Variants in TRMT44 observed in about 807,000 individuals in gnomAD.
TRMT44 encodes the protein tRNA methyltransferase 44 homolog.
In TRMT44, 78 loss-of-function variants were observed where a neutral mutation model predicts 77.3. The ratio of observed to expected loss-of-function variants is 1.01; its 90% CI spans 0.84 to 1.22. TRMT44 has a LOEUF of 1.22. TRMT44 is among the 50% of genes most tolerant of loss of function. The probability of loss-of-function intolerance (pLI) is 0.00; values close to 1 mark genes in which losing one functional copy is unlikely to be tolerated. For synonymous variants in TRMT44, 391 were observed against 383.3 expected (o/e 1.02, Z -0.23); for missense variants, 1,090 against 964.4 (o/e 1.13, Z -1.73).
At chr4:8,504,556 T>C in the TRMT44 span, among the ~76,000 whole-genome samples, 2 of 152,056 alleles carry the variant, frequency 1.3e-5, no homozygotes, top group Admixed American at 1.3e-4. This position sits in a 1 kb window ranked among gnomAD's most constrained non-coding sequence, Gnocchi z 5.3. Flanking sequence ...GAGTCTGTAG[T>C]GTGCACAGGT....
intron 7 of TRMT44, 48 bp downstream of exon 7, chr4:8,464,139 C>T (rs1726364120): frequency 2.0e-6 from 3 of 1,521,090 alleles, no homozygotes; most frequent in Non-Finnish European, 2.7e-6. Flanking sequence ...AATGCTTCAT[C>T]TTCTAAACAG....
At chr4:8,516,885 C>T in the TRMT44 span, among the ~76,000 whole-genome samples, 1 of 152,248 alleles carries the variant, frequency 6.6e-6, no homozygotes, top group Admixed American at 6.5e-5. Flanking sequence ...GTGGCCTTGG[C>T]AATGATGTAC....
chr4:8,460,925 C>G (rs568840951), intron 6 of TRMT44, among the ~76,000 whole-genome samples: 1 of 152,342 alleles, frequency 6.6e-6, no homozygotes, highest in Non-Finnish European at 1.5e-5. Context: ...TCACGGCTCA[C>G]TGTGGCCTCA....
downstream of TRMT44, among the ~76,000 whole-genome samples, chr4:8,480,348 C>T (rs778197219): frequency 1.3e-5 from 2 of 152,128 alleles, no homozygotes; most frequent in Admixed American, 1.3e-4. Context: ...TATATATTGG[C>T]GTACTTCTGG....
chr4:8,461,401 G>A lies in TRMT44; in HGVS notation c.1204-2584G>A, dbSNP rs1459448062. ...ATCAAAGCTAAAGCAGTAGTGGTGT[G>A]GTTGATTTCAAAATTCCATGTGTCC... On this transcript the variant is annotated intron_variant, in intron 6 of 10. Coordinates refer to ENST00000389737, the MANE Select transcript of TRMT44 (RefSeq NM_152544.3). This position sits in a 1 kb window ranked among gnomAD's most constrained non-coding sequence, Gnocchi z 4.6. Among the ~76,000 whole-genome samples the A allele has an allele frequency of 6.6e-6, 1 of 152,132 alleles. No homozygotes were observed. The highest frequency in any genetic ancestry group is 1.5e-5 in the Non-Finnish European group (1 of 68,020).
rs771679285 is a variant in TRMT44, at chr4:8,465,513, T to C, written c.1446T>C (p.Cys482=). ...LDFIKEVGFT[C]GFHVDEDCLR... Reference sequence around the variant, plus strand: ...TCATTAAAGAAGTGGGCTTCACCTGTGGGTTTCACGTGGACGAAGACTGCC... The same window carrying C: ...TCATTAAAGAAGTGGGCTTCACCTGCGGGTTTCACGTGGACGAAGACTGCC... The change falls in exon 8 of 11, where the codon TGT becomes TGC. Residue 482 remains cysteine (C), a synonymous_variant. Coordinates refer to ENST00000389737, the MANE Select transcript of TRMT44 (RefSeq NM_152544.3). 25 of 1,614,000 alleles carry C rather than the reference T, an allele frequency of 1.5e-5. No individual in the cohort carries two copies. The highest frequency in any genetic ancestry group is 2.1e-5 in the Non-Finnish European group (25 of 1,180,020).
the TRMT44 span, among the ~76,000 whole-genome samples, chr4:8,511,191 G>A: frequency 6.6e-6 from 1 of 152,224 alleles, no homozygotes; most frequent in Non-Finnish European, 1.5e-5. Flanking sequence ...AGTGCCGTGA[G>A]CTTTAATAAC....
chr4:8,506,605 C>T, the TRMT44 span, among the ~76,000 whole-genome samples: 12 of 152,202 alleles, frequency 7.9e-5, no homozygotes, highest in Admixed American at 7.2e-4. Context: ...CTGGGGTCCT[C>T]TCGGGCTGGG....
chr4:8,489,159 C>G (rs966714641), intron 2 of TRMT44, among the ~76,000 whole-genome samples: 2 of 152,230 alleles, frequency 1.3e-5, no homozygotes, highest in Admixed American at 6.5e-5. Flanking sequence ...AGTGCCCTGG[C>G]CCCATGTGCT....
the TRMT44 span, among the ~76,000 whole-genome samples, chr4:8,501,114 T>C: frequency 6.6e-6 from 1 of 152,192 alleles, no homozygotes; most frequent in African/African-American, 2.4e-5. The surrounding 1 kb of genome is among the most constrained non-coding windows in gnomAD (Gnocchi z 4.4). Context: ...CAGGTGGTCG[T>C]GCCACTGCTC....
In TRMT44 at chr4:8,465,552, A is replaced by G; in HGVS notation, c.1485A>G (p.Ser495=). 3 of 1,612,466 alleles carry G rather than the reference A, an allele frequency of 1.9e-6. No homozygotes were observed. The highest frequency in any genetic ancestry group is 2.5e-6 in the Non-Finnish European group (3 of 1,179,246). ...HVDEDCLRIP[S]TKRVCLVGKS... Reference sequence around the variant, plus strand: ...ACGAAGACTGCCTCAGGATTCCTTCAACCAAAAGAGTATGTCTGATTCTCA... The same window carrying G: ...ACGAAGACTGCCTCAGGATTCCTTCGACCAAAAGAGTATGTCTGATTCTCA... The change falls in exon 8 of 11, where the codon TCA becomes TCG. Residue 495 remains serine, a synonymous_variant. Transcript: ENST00000389737.
In TRMT44 at chr4:8,476,245, C is replaced by T; in HGVS notation, c.*244C>T. ...CAGATGCAGCCGCTTGAAACGTGCG[C>T]AGCATCTTCATATCATAAAGATTGT... On this transcript the variant is annotated 3_prime_UTR_variant, in exon 11 of 11. Coordinates refer to ENST00000389737, the MANE Select transcript of TRMT44 (RefSeq NM_152544.3). The T allele has an allele frequency of 1.8e-6, 1 of 568,156 alleles. No homozygotes were observed. The highest frequency in any genetic ancestry group is 2.1e-5 in the South Asian group (1 of 48,378). The allele number at this position is 568,156 out of a possible 1,614,324, so 35.2% of individuals were successfully genotyped here. A position where few individuals can be genotyped will look rare whatever the true frequency, so the allele number is the denominator to read the frequency against.
the TRMT44 span, among the ~76,000 whole-genome samples, chr4:8,504,056 C>T: frequency 3.0e-4 from 45 of 152,168 alleles, no homozygotes; most frequent in Non-Finnish European, 6.0e-4. The surrounding 1 kb of genome is among the most constrained non-coding windows in gnomAD (Gnocchi z 5.3). Flanking sequence ...TCCTGCTCCC[C>T]CTCCAGCCTC....
intron 1 of TRMT44, among the ~76,000 whole-genome samples, chr4:8,443,735 CT>C (rs1724891528): frequency 6.6e-6 from 1 of 152,100 alleles, no homozygotes; most frequent in East Asian, 1.9e-4. Flanking sequence ...TCACGAAGGT[CT>C]TAAGAGTAAT....
intron 2 of TRMT44, among the ~76,000 whole-genome samples, chr4:8,447,709 G>T (rs1421769662): frequency 6.6e-6 from 1 of 152,194 alleles, no homozygotes; most frequent in African/African-American, 2.4e-5. Flanking sequence ...GAAGCCCTTT[G>T]AGAACCATCC....
intron 2 of TRMT44, among the ~76,000 whole-genome samples, chr4:8,485,878 T>C (rs191223671): frequency 1.7e-3 from 253 of 152,214 alleles, no homozygotes; most frequent in African/African-American, 5.1e-3. Context: ...ACAACAGTTA[T>C]TGGGGCGAGG....
chr4:8,475,721 AG>A, intron 10 of TRMT44, 50 bp from the exon 11 acceptor site: 1 of 1,574,908 alleles, frequency 6.3e-7, no homozygotes, highest in South Asian at 1.1e-5. Context: ...TGGTGAATTA[AG>A]GAACTTTCAG....
chr4:8,459,142 C>T (rs905935478), intron 6 of TRMT44, among the ~76,000 whole-genome samples: 35 of 152,116 alleles, frequency 2.3e-4, no homozygotes, highest in Non-Finnish European at 8.8e-5. Flanking sequence ...GTTGAGACTG[C>T]GGTGAGCCAA....
At chr4:8,487,472 T>G (rs1230423002) in intron 2 of TRMT44, among the ~76,000 whole-genome samples, 1 of 150,384 alleles carries the variant, frequency 6.6e-6, no homozygotes, top group Non-Finnish European at 1.5e-5. Context: ...GGCATGGAAA[T>G]AAGGGATGGG....
Sources: allele counts gnomAD v4.1 joint callset (sites outside exome capture counted in the v4.1 genomes callset), GRCh38; gene constraint gnomAD v4.1.1; non-coding constraint Gnocchi (gnomAD v3.1); transcripts MANE v1.5; gene names NCBI Gene and HGNC (gene_info 2026-07-23, HGNC 2026-07-21).